The following KAZN variants were observed in gnomAD, a reference collection of about 807,000 sequenced individuals.
The protein encoded by KAZN is kazrin, periplakin interacting protein.
In KAZN, 40 loss-of-function variants were observed where a neutral mutation model predicts 87.4. The ratio of observed to expected loss-of-function variants is 0.46; its 90% CI spans 0.36 to 0.60. The LOEUF is 0.60. Ranked by LOEUF, KAZN falls within the 20% of genes least tolerant of loss-of-function variation. The pLI is 0.00. For missense variants in KAZN, 898 were observed against 1,073.9 expected, an observed-to-expected ratio of 0.84 and a Z score of 2.29; for synonymous variants, 466 against 458.3, an observed-to-expected ratio of 1.02 and a Z score of -0.22.
chr1:15,085,990 A>G (rs1274220484), intron 8 of KAZN, among the ~76,000 whole-genome samples: 1 of 148,582 alleles, frequency 6.7e-6, no homozygotes. Context: ...AATTTTTTTG[A>G]GACAGAGTTT....
At chr1:14,917,852 T>TCCTC (rs1373186746) in intron 1 of KAZN, among the ~76,000 whole-genome samples, 12 of 142,598 alleles carry the variant, frequency 8.4e-5, no homozygotes, top group African/African-American at 3.5e-4. Context: ...CTTTCTTTCT[T>TCCTC]CCTTCCTTCC....
intron 1 of KAZN, among the ~76,000 whole-genome samples, chr1:14,665,300 T>TTA (rs1639460349): frequency 6.6e-6 from 1 of 151,988 alleles, no homozygotes; most frequent in South Asian, 2.1e-4. Context: ...TCTTTTTTTT[T>TTA]TTATTACTGC....
chr1:14,247,408 A>T (rs1649616204), intron 2 of KAZN, among the ~76,000 whole-genome samples: 1 of 152,236 alleles, frequency 6.6e-6, no homozygotes, highest in South Asian at 2.1e-4. Flanking sequence ...AGAATGCGCT[A>T]TCAAAACAAG....
intron 2 of KAZN, among the ~76,000 whole-genome samples, chr1:14,986,634 C>T (rs1387138860): frequency 6.6e-6 from 1 of 152,104 alleles, no homozygotes; most frequent in Non-Finnish European, 1.5e-5. Flanking sequence ...GCCCCCAACC[C>T]TCCTTGATGA....
intron 1 of KAZN, among the ~76,000 whole-genome samples, chr1:14,819,539 G>T (rs1425731427): frequency 6.6e-6 from 1 of 151,906 alleles, no homozygotes; most frequent in African/African-American, 2.4e-5. Flanking sequence ...CCTGCCTCAA[G>T]ACTGTAACGT....
intron 1 of KAZN, among the ~76,000 whole-genome samples, chr1:14,084,959 T>G (rs1185038770): frequency 6.6e-6 from 1 of 152,192 alleles, no homozygotes; most frequent in Non-Finnish European, 1.5e-5. Context: ...CATGCATGTA[T>G]GAGTGTATGT....
chr1:14,743,974 T>C (rs1466133582), intron 1 of KAZN, among the ~76,000 whole-genome samples: 5 of 151,878 alleles, frequency 3.3e-5, no homozygotes, highest in Non-Finnish European at 5.9e-5. Flanking sequence ...CTCTGGTACC[T>C]GGAAAAGAGG....
intron 1 of KAZN, among the ~76,000 whole-genome samples, chr1:14,956,918 A>G (rs550849930): frequency 4.6e-5 from 7 of 151,660 alleles, no homozygotes; most frequent in African/African-American, 1.7e-4. Flanking sequence ...TTTCCTGGTC[A>G]CTCAAGACCC....
At chr1:14,331,357 G>A in intron 2 of KAZN, among the ~76,000 whole-genome samples, 1 of 152,142 alleles carries the variant, frequency 6.6e-6, no homozygotes, top group East Asian at 1.9e-4. Flanking sequence ...AAATCTCTTT[G>A]TTAGAGCAGT....
intron 2 of KAZN, among the ~76,000 whole-genome samples, chr1:14,295,011 G>A (rs1453453283): frequency 6.6e-6 from 1 of 151,784 alleles, no homozygotes; most frequent in African/African-American, 2.4e-5. Flanking sequence ...CTTATCTACA[G>A]GCTCAATCAC....
intron 1 of KAZN, among the ~76,000 whole-genome samples, chr1:13,949,594 C>G (rs1641272656): frequency 6.6e-6 from 1 of 152,122 alleles, no homozygotes; most frequent in Non-Finnish European, 1.5e-5. Flanking sequence ...CATAACAGCT[C>G]ACACTTTACT....
rs572019567 is a variant in KAZN, at chr1:14,724,939, A to C, written c.226+125716A>C. Among the ~76,000 whole-genome samples, 47 of 152,368 alleles carry C rather than the reference A, an allele frequency of 3.1e-4. 1 individual carries two copies. In the South Asian group the frequency reaches 9.5e-3, roughly 31 times the overall value. ...TGCACCTCCCAGCATCCCAAGTATG[A>C]GTCAATGGGAAGAAAATGACCAGGA... On this transcript the variant is annotated intron_variant, in intron 1 of 14. Transcript: ENST00000376030.
intron 2 of KAZN, among the ~76,000 whole-genome samples, chr1:14,505,295 G>A (rs752995594): frequency 3.9e-5 from 6 of 152,246 alleles, no homozygotes; most frequent in African/African-American, 9.6e-5. Context: ...ACATGGTTCC[G>A]CCCCTTCTAA....
chr1:15,045,993 A>G (rs540269303), intron 4 of KAZN, among the ~76,000 whole-genome samples: 72 of 152,322 alleles, frequency 4.7e-4, no homozygotes, highest in African/African-American at 1.7e-3. Flanking sequence ...GCTAGAGCAA[A>G]GAAAATGTTA....
At chr1:15,037,423 T>C (rs1672448033) in intron 3 of KAZN, among the ~76,000 whole-genome samples, 1 of 152,100 alleles carries the variant, frequency 6.6e-6, no homozygotes, top group African/African-American at 2.4e-5. Context: ...ACCTCTGCAC[T>C]CGCTATGGGG....
At chr1:14,060,206 A>G (rs1642735453) in intron 1 of KAZN, among the ~76,000 whole-genome samples, 1 of 152,068 alleles carries the variant, frequency 6.6e-6, no homozygotes, top group African/African-American at 2.4e-5. Context: ...TACTAAAAAT[A>G]CAAAAAATTA....
chr1:14,327,728 T>C lies in KAZN; in HGVS notation c.249+147136T>C, dbSNP rs16853956. ...GATGACCCTTTGCTGAAGCCACTGT[T>C]TACTCAAAGAGAATGGGCTATCATC... On this transcript the variant is annotated intron_variant, in intron 2 of 16. Coordinates refer to the KAZN transcript ENST00000636203. Among the ~76,000 whole-genome samples, 1,001 of 152,298 alleles carry C rather than the reference T, an allele frequency of 6.6e-3. 36 individuals carry two copies. In the East Asian group the frequency reaches 0.11, roughly 17 times the overall value.
chr1:15,052,176 C>G (rs188108185), intron 4 of KAZN, among the ~76,000 whole-genome samples: 1 of 151,556 alleles, frequency 6.6e-6, no homozygotes, highest in African/African-American at 2.4e-5. Flanking sequence ...GTGTTAGTCT[C>G]TTCTCATGCT....
intron 1 of KAZN, among the ~76,000 whole-genome samples, chr1:14,733,930 G>A (rs530746062): frequency 1.8e-4 from 28 of 152,274 alleles, no homozygotes; most frequent in African/African-American, 6.7e-4. Context: ...GACTGCTGTC[G>A]GTTCCCGGCA....
Sources: gnomAD v4.1 joint callset for allele counts (sites outside exome capture counted in the v4.1 genomes callset) on GRCh38, gnomAD v4.1.1 for gene constraint, MANE v1.5 for transcripts, NCBI Gene and HGNC (gene_info 2026-07-23, HGNC 2026-07-21) for gene names.